Variants in PDE5A observed in about 807,000 individuals in gnomAD.
The protein encoded by PDE5A is cGMP-specific 3',5'-cyclic phosphodiesterase.
A neutral mutation model predicts 110.2 loss-of-function variants in PDE5A; 67 were observed. The ratio of observed to expected loss-of-function variants is 0.61; its 90% CI spans 0.50 to 0.75. The LOEUF (loss-of-function observed/expected upper bound fraction) is 0.75. PDE5A is among the 30% of genes least tolerant of loss of function. The pLI is 0.00. For missense variants in PDE5A, 862 were observed against 1,045.1 expected, an observed-to-expected ratio of 0.82 and a Z score of 2.42; for synonymous variants, 328 against 351.2, an observed-to-expected ratio of 0.93 and a Z score of 0.74.
intron 7 of PDE5A, among the ~76,000 whole-genome samples, chr4:119,556,490 G>A (rs2715022): frequency 0.98 from 148,818 of 152,332 alleles, 72,788 homozygotes; most frequent in East Asian, 1. Flanking sequence ...CTACAGCACC[G>A]AGCCTGAGCT....
intron 14 of PDE5A, among the ~76,000 whole-genome samples, chr4:119,514,400 T>A (rs770064669): frequency 5.9e-5 from 9 of 152,166 alleles, no homozygotes; most frequent in Non-Finnish European, 1.0e-4. Context: ...ACAACCTCTT[T>A]GTAACCTTCA....
intron 1 of PDE5A, among the ~76,000 whole-genome samples, chr4:119,616,039 T>C (rs1729931116): frequency 6.6e-6 from 1 of 152,208 alleles, no homozygotes; most frequent in East Asian, 1.9e-4. Flanking sequence ...ATTTCCTACA[T>C]ATTTTATTAC....
At chr4:119,517,335 C>T (rs767818761) in intron 14 of PDE5A, among the ~76,000 whole-genome samples, 2 of 151,846 alleles carry the variant, frequency 1.3e-5, no homozygotes, top group Non-Finnish European at 2.9e-5. Context: ...ATTTATGGTA[C>T]TCATAGTTTC....
intron 3 of PDE5A, among the ~76,000 whole-genome samples, chr4:119,589,565 A>G (rs531959774): frequency 2.6e-4 from 39 of 152,360 alleles, no homozygotes; most frequent in African/African-American, 9.4e-4. Flanking sequence ...AAAATCCAGA[A>G]TTAACTTTGA....
Position 119,496,407 on chromosome 4 carries a change from G to T in PDE5A, c.*2194C>A, listed in dbSNP as rs1213726939. ...CCAACAAAGAAATAAAATAGGCATT[G>T]CCCAGCTTCCTTTAATGTCTCAACT... On this transcript the variant is annotated 3_prime_UTR_variant, in exon 21 of 21. Transcript: ENST00000354960. The T allele has an allele frequency of 6.6e-6, 1 of 152,040 alleles. No homozygotes were observed. The highest frequency in any genetic ancestry group is 2.4e-5 in the African/African-American group (1 of 41,432). 9.4% of individuals were successfully genotyped at this position (152,040 alleles called of 1,614,324 possible). A position where few individuals can be genotyped will look rare whatever the true frequency, so the allele number is the denominator to read the frequency against.
chr4:119,539,023 C>G lies in PDE5A; in HGVS notation c.1573-4G>C. ...CTGAAGCATGATACGACAGAACCTA[C>G]AGGGTAGGAAAAGAAGTCCAGGTTA... On this transcript the variant is annotated splice_polypyrimidine_tract_variant and splice_region_variant and intron_variant, in intron 10 of 20. Transcript: ENST00000354960. The G allele has an allele frequency of 6.2e-7, 1 of 1,611,474 alleles. No homozygotes were observed. The highest frequency in any genetic ancestry group is 8.5e-7 in the Non-Finnish European group (1 of 1,177,876).
intron 2 of PDE5A, among the ~76,000 whole-genome samples, chr4:119,605,627 G>C (rs1729498563): frequency 6.6e-6 from 1 of 151,668 alleles, no homozygotes; most frequent in South Asian, 2.1e-4. Context: ...AGCCTGGATA[G>C]CAAAGTGAGA....
chr4:119,542,962 T>TG (rs34953413), intron 9 of PDE5A: 67 of 221,402 alleles, frequency 3.0e-4, no homozygotes, highest in African/African-American at 1.5e-3. Flanking sequence ...TTTGTACACT[T>TG]GCCAAGAGAA....
At chr4:119,592,662 T>A (rs1381540051) in intron 3 of PDE5A, among the ~76,000 whole-genome samples, 2 of 152,052 alleles carry the variant, frequency 1.3e-5, no homozygotes, top group Non-Finnish European at 2.9e-5. Context: ...CAATGAGCAT[T>A]TCTTTTGAGG....
chr4:119,512,363 T>C (rs2110462942), intron 14 of PDE5A: 1 of 152,306 alleles, frequency 6.6e-6, no homozygotes, highest in Non-Finnish European at 1.5e-5. Context: ...AGTTGGACTA[T>C]GGATCAGGTA....
chr4:119,496,091 A>G lies in PDE5A; in HGVS notation c.*2510T>C, dbSNP rs1045084085. Reference sequence around the variant, plus strand: ...GGCACGGTCTAATCTACTGAAAAATATAAGGCCAGGCAATTATATAGATAT... The same window carrying G: ...GGCACGGTCTAATCTACTGAAAAATGTAAGGCCAGGCAATTATATAGATAT... On this transcript the variant is annotated 3_prime_UTR_variant, in exon 21 of 21. Coordinates refer to ENST00000354960, the MANE Select transcript of PDE5A (RefSeq NM_001083.4). 5 of 152,190 alleles carry G rather than the reference A, an allele frequency of 3.3e-5. No homozygotes were observed. Among genetic ancestry groups the G allele is most frequent in the African/African-American group, 9.6e-5 (4 of 41,476 alleles). The allele number at this position is 152,190 out of a possible 1,614,324, so 9.4% of individuals were successfully genotyped here. A position where few individuals can be genotyped will look rare whatever the true frequency, so the allele number is the denominator to read the frequency against.
chr4:119,501,297 T>C (rs201891756), intron 19 of PDE5A, 44 bp from the exon 20 acceptor site: 8 of 1,134,126 alleles, frequency 7.1e-6, no homozygotes, highest in Non-Finnish European at 8.0e-6. Flanking sequence ...GTGCATTTAT[T>C]TATTTAGTTA....
At chr4:119,612,963 A>C (rs549041931) in intron 1 of PDE5A, among the ~76,000 whole-genome samples, 2 of 152,356 alleles carry the variant, frequency 1.3e-5, no homozygotes, top group East Asian at 3.9e-4. Flanking sequence ...TAACAATTGA[A>C]GAAACAATCA....
intron 14 of PDE5A, among the ~76,000 whole-genome samples, chr4:119,513,278 T>G (rs1009767318): frequency 1.4e-4 from 22 of 152,150 alleles, no homozygotes; most frequent in African/African-American, 5.1e-4. Context: ...TGAAGGCCTG[T>G]GGACCACCTT....
chr4:119,614,922 C>T (rs1387233544), intron 1 of PDE5A, among the ~76,000 whole-genome samples: 1 of 152,052 alleles, frequency 6.6e-6, no homozygotes, highest in African/African-American at 2.4e-5. Flanking sequence ...AAAATAGCAC[C>T]AGTTCTGGCC....
chr4:119,606,244 G>A (rs2110548044), intron 2 of PDE5A, among the ~76,000 whole-genome samples: 1 of 152,106 alleles, frequency 6.6e-6, no homozygotes, highest in South Asian at 2.1e-4. Flanking sequence ...ACCAGACTTT[G>A]GTATCAATGG....
Position 119,538,675 on chromosome 4 carries a change from C to G in PDE5A, c.1632+285G>C, listed in dbSNP as rs150884942. 612 of 318,744 alleles carry G rather than the reference C, an allele frequency of 1.9e-3. 3 individuals are homozygous for G. Among genetic ancestry groups the G allele is most frequent in the African/African-American group, 0.012 (587 of 47,448 alleles). The allele number at this position is 318,744 out of a possible 1,614,324, so 19.7% of individuals were successfully genotyped here. On this transcript the variant is annotated intron_variant, in intron 11 of 20. Transcript: ENST00000354960. The stretch of plus-strand genomic sequence containing the variant: ...CTAGCCAAACAACCACCTCATGGTC[C>G]CCATTTCTCCAGGAACTAAAAGAAA...
At position 119,519,035 on chromosome 4, in the gene PDE5A, A is replaced by G. The variant is rs745942764; in HGVS notation, c.2000+10T>C. On this transcript the variant is annotated intron_variant, in intron 14 of 20. Transcript: ENST00000354960. ...GAAAACATTTTCTTGCTTTACTGGGAAAGTCTTACCGCTGTATGTAAGAGT... is the reference window on the plus strand; with the variant it reads ...GAAAACATTTTCTTGCTTTACTGGGGAAGTCTTACCGCTGTATGTAAGAGT... 1.3e-6 allele frequency: 2 copies of G among 1,592,450 alleles called. No individual in the cohort carries two copies. The highest frequency in any genetic ancestry group is 1.7e-5 in the Admixed American group (1 of 59,756).
intron 1 of PDE5A, among the ~76,000 whole-genome samples, chr4:119,620,003 A>AT (rs1578834394): frequency 6.6e-6 from 1 of 152,062 alleles, no homozygotes; most frequent in East Asian, 1.9e-4. Context: ...GTGGGAATAG[A>AT]TTTTCCATCA....
Sources: allele counts gnomAD v4.1 joint callset (sites outside exome capture counted in the v4.1 genomes callset), GRCh38; gene constraint gnomAD v4.1.1; transcripts MANE v1.5; gene names NCBI Gene and HGNC (gene_info 2026-07-23, HGNC 2026-07-21).